Variants in SH3D19 observed in about 807,000 individuals in gnomAD.
The protein encoded by SH3D19 is SH3 domain-containing protein 19.
In SH3D19, 58 loss-of-function variants were observed where a neutral mutation model predicts 112.1. The observed-to-expected ratio is 0.52, with a 90% CI of 0.42 to 0.64. The LOEUF (loss-of-function observed/expected upper bound fraction) is 0.64, where lower values mean the gene tolerates loss of function less well. Among genes scored for constraint, SH3D19 ranks in the 30% least tolerant of loss-of-function variants. The pLI is 0.00. For missense variants in SH3D19, 1,090 were observed against 1,263.4 expected (o/e 0.86, Z 2.08); for synonymous variants, 391 against 448.5 (o/e 0.87, Z 1.62).
chr4:151,238,595 C>T (rs748701537), intron 1 of SH3D19, among the ~76,000 whole-genome samples: 3 of 152,128 alleles, frequency 2.0e-5, no homozygotes, highest in East Asian at 1.9e-4. Context: ...GACTCCTTCA[C>T]GGGCTCCAAA....
chr4:151,202,578 T>C (rs1168894210), intron 2 of SH3D19, among the ~76,000 whole-genome samples: 2 of 152,238 alleles, frequency 1.3e-5, no homozygotes, highest in Non-Finnish European at 2.9e-5. Flanking sequence ...CTGTAAGATA[T>C]GCCAACTGTT....
chr4:151,313,496 A>G (rs1729691710), intron 1 of SH3D19, among the ~76,000 whole-genome samples: 1 of 152,020 alleles, frequency 6.6e-6, no homozygotes, highest in Non-Finnish European at 1.5e-5. Flanking sequence ...GACTCACTGC[A>G]GCCTCAAACA....
chr4:151,180,486 A>C (rs1237892506), intron 3 of SH3D19, among the ~76,000 whole-genome samples: 1 of 143,084 alleles, frequency 7.0e-6, no homozygotes, highest in East Asian at 2.1e-4. Flanking sequence ...GGCTCACTGC[A>C]AGCTCTGCCT....
At chr4:151,158,357 T>C (rs1339313065) in intron 9 of SH3D19, among the ~76,000 whole-genome samples, 1 of 152,148 alleles carries the variant, frequency 6.6e-6, no homozygotes, top group East Asian at 1.9e-4. Flanking sequence ...TGGAGTGCAG[T>C]GGCGTGATCT....
chr4:151,221,387 A>G (rs1768014240), intron 2 of SH3D19, among the ~76,000 whole-genome samples: 2 of 152,286 alleles, frequency 1.3e-5, no homozygotes, highest in South Asian at 2.1e-4. Context: ...TGCTTGATGC[A>G]CTGCTGGCCT....
At position 151,174,830 on chromosome 4, in the gene SH3D19, T is replaced by C; in HGVS notation, c.1374A>G (p.Ala458=). Reference sequence around the variant, plus strand: ...GGGGCCCTTCTCCCAGTGACTTGTATGCTTTGGCTTGTGATGCCCCTGCGA... The same window carrying C: ...GGGGCCCTTCTCCCAGTGACTTGTACGCTTTGGCTTGTGATGCCCCTGCGA... ...PRLAGASQAK[A]YKSLGEGPPA... is the part of the protein sequence containing the mutation. The change falls in exon 7 of 20, where the codon GCA becomes GCG. Residue 458 remains alanine (A), a synonymous_variant. Transcript: ENST00000604030. 2 of 1,580,318 alleles carry C rather than the reference T, an allele frequency of 1.3e-6. No homozygotes were observed. The highest frequency in any genetic ancestry group is 1.7e-6 in the Non-Finnish European group (2 of 1,164,448).
intron 2 of SH3D19, among the ~76,000 whole-genome samples, chr4:151,219,180 T>C (rs1767630153): frequency 6.6e-6 from 1 of 152,212 alleles, no homozygotes; most frequent in South Asian, 2.1e-4. Context: ...ATCCTCATCT[T>C]CAATATCAGA....
At chr4:151,243,425 G>T (rs1770701203) in intron 1 of SH3D19, among the ~76,000 whole-genome samples, 2 of 152,236 alleles carry the variant, frequency 1.3e-5, no homozygotes, top group African/African-American at 4.8e-5. Context: ...TAGTGAAATT[G>T]TATAAGTTGT....
At chr4:151,193,061 G>A (rs960971986) in intron 2 of SH3D19, among the ~76,000 whole-genome samples, 8 of 151,170 alleles carry the variant, frequency 5.3e-5, no homozygotes, top group African/African-American at 1.9e-4. Flanking sequence ...GCCCACTACT[G>A]GACTAATGTG....
chr4:151,269,339 T>A (rs1427022890), intron 1 of SH3D19, among the ~76,000 whole-genome samples: 1 of 152,204 alleles, frequency 6.6e-6, no homozygotes, highest in Non-Finnish European at 1.5e-5. Flanking sequence ...ATTCTGGATA[T>A]TAGCCCTTTG....
intron 19 of SH3D19, among the ~76,000 whole-genome samples, chr4:151,122,751 G>T (rs1748257252): frequency 6.6e-6 from 1 of 151,916 alleles, no homozygotes; most frequent in Non-Finnish European, 1.5e-5. Flanking sequence ...CTTCCTGTAT[G>T]CCTTGTCTTA....
intron 9 of SH3D19, among the ~76,000 whole-genome samples, chr4:151,151,909 A>G (rs1469889611): frequency 6.6e-6 from 1 of 152,230 alleles, no homozygotes; most frequent in African/African-American, 2.4e-5. Context: ...AAATAGATAT[A>G]TAAATTTGAC....
intron 10 of SH3D19, among the ~76,000 whole-genome samples, chr4:151,149,256 T>A (rs908165357): frequency 6.6e-6 from 1 of 152,142 alleles, no homozygotes; most frequent in Non-Finnish European, 1.5e-5. Context: ...AGTTCAGAAA[T>A]GAGTCTTGTT....
At chr4:151,294,690 C>T (rs1357299528) in intron 1 of SH3D19, among the ~76,000 whole-genome samples, 3 of 152,356 alleles carry the variant, frequency 2.0e-5, no homozygotes, top group South Asian at 4.1e-4. Context: ...GGTACCATTC[C>T]AGGCATGGAG....
At chr4:151,278,025 A>G (rs1487731578) in intron 1 of SH3D19, among the ~76,000 whole-genome samples, 1 of 151,902 alleles carries the variant, frequency 6.6e-6, no homozygotes, top group Admixed American at 6.5e-5. Flanking sequence ...TTAGCGACAG[A>G]GTAAGACCCC....
At chr4:151,223,006 T>C (rs1461471966) in intron 2 of SH3D19, among the ~76,000 whole-genome samples, 1 of 18,060 alleles carries the variant, frequency 5.5e-5, no homozygotes, top group African/African-American at 7.1e-5. Flanking sequence ...TCCCAGCCTT[T>C]TTTTTTTTTT....
At chr4:151,133,921 C>T (rs11938266) in intron 15 of SH3D19, among the ~76,000 whole-genome samples, 122,720 of 152,108 alleles carry the variant, frequency 0.81, 51,791 homozygotes, top group Non-Finnish European at 0.95. Context: ...AATTGTGTCT[C>T]TAGAAGGTGT....
At chr4:151,279,122 C>A in intron 1 of SH3D19, 1 of 435,702 alleles carries the variant, frequency 2.3e-6, no homozygotes, top group Non-Finnish European at 4.5e-6. Flanking sequence ...GGCTGACCTG[C>A]CAAGGCCAGC....
rs532834144 is a variant in SH3D19, at chr4:151,325,531, G to C, written c.-179C>G. On this transcript the variant is annotated 5_prime_UTR_variant, in exon 1 of 20. Coordinates refer to ENST00000604030, the MANE Select transcript of SH3D19 (RefSeq NM_001378122.1). ...ACCTCCGCGAACTCCACCTGCAGCC[G>C]GCCGGGCAGCGGCAGGGCGCGGGCC... The C allele has an allele frequency of 1.3e-5, 4 of 302,934 alleles. No homozygotes were observed. The East Asian group carries it at 2.2e-4, about 17-fold the overall frequency. The allele number at this position is 302,934 out of a possible 1,614,324, so 18.8% of individuals were successfully genotyped here.
Sources: allele counts gnomAD v4.1 joint callset (sites outside exome capture counted in the v4.1 genomes callset), GRCh38; gene constraint gnomAD v4.1.1; transcripts MANE v1.5; gene names NCBI Gene and HGNC (gene_info 2026-07-23, HGNC 2026-07-21).